Variants in VAV3 observed in about 807,000 individuals in gnomAD.
VAV3 encodes guanine nucleotide exchange factor VAV3.
In VAV3, 94 loss-of-function variants were observed where a neutral mutation model predicts 131.2. The ratio of observed to expected loss-of-function variants is 0.72; its 90% CI spans 0.61 to 0.85. The LOEUF (loss-of-function observed/expected upper bound fraction) is 0.85, where lower values mean the gene tolerates loss of function less well. Among genes scored for constraint, VAV3 ranks in the 40% least tolerant of loss-of-function variants. VAV3 has a pLI of 0.00. For synonymous variants in VAV3, 349 were observed against 342.0 expected (o/e 1.02, Z -0.22); for missense variants, 939 against 1,002.7 (o/e 0.94, Z 0.86).
At chr1:107,892,057 ATTAC>A (rs956164492) in intron 1 of VAV3, among the ~76,000 whole-genome samples, 8 of 152,144 alleles carry the variant, frequency 5.3e-5, no homozygotes, top group Non-Finnish European at 1.2e-4. Context: ...TTCACTAAAT[ATTAC>A]TTACTGCTAA....
intron 2 of VAV3, among the ~76,000 whole-genome samples, chr1:107,836,090 C>G (rs558370190): frequency 6.6e-6 from 1 of 152,250 alleles, no homozygotes; most frequent in Admixed American, 6.5e-5. Flanking sequence ...TGAAAGATGT[C>G]AACACTCCAC....
chr1:107,589,673 T>C (rs1267408373), intron 25 of VAV3, among the ~76,000 whole-genome samples: 1 of 152,098 alleles, frequency 6.6e-6, no homozygotes, highest in Non-Finnish European at 1.5e-5. Flanking sequence ...AATTAGATCA[T>C]ATCAAACCCA....
chr1:107,964,079 G>A (rs917603934), intron 1 of VAV3, among the ~76,000 whole-genome samples: 1 of 152,186 alleles, frequency 6.6e-6, no homozygotes, highest in East Asian at 1.9e-4. Context: ...AGCTGTAAAC[G>A]GGAGCTTGCC....
Position 107,573,283 on chromosome 1 carries a change from A to G in VAV3, c.*48T>C, listed in dbSNP as rs780763388. On this transcript the variant is annotated 3_prime_UTR_variant, in exon 27 of 27. Transcript: ENST00000370056. The stretch of plus-strand genomic sequence containing the variant: ...CACGATGCTGTGCAGGCTTCTATTT[A>G]TCCCTTCTCTGAAATTTTTGGTGCA... The G allele has an allele frequency of 2.5e-6, 4 of 1,605,212 alleles. No homozygotes were observed. Among genetic ancestry groups the G allele is most frequent in the Non-Finnish European group, 3.4e-6 (4 of 1,175,108 alleles).
intron 4 of VAV3, among the ~76,000 whole-genome samples, chr1:107,776,264 GA>G (rs1665351052): frequency 6.6e-6 from 1 of 152,168 alleles, no homozygotes; most frequent in Non-Finnish European, 1.5e-5. Context: ...CAGACACTGT[GA>G]AGTTCTAGGA....
chr1:107,652,156 T>C (rs952833749), intron 19 of VAV3, among the ~76,000 whole-genome samples: 2 of 152,118 alleles, frequency 1.3e-5, no homozygotes, highest in African/African-American at 4.8e-5. Flanking sequence ...ATAAAACAGA[T>C]TGCAGTAAAG....
intron 20 of VAV3, among the ~76,000 whole-genome samples, chr1:107,637,387 C>G (rs1375785055): frequency 2.0e-5 from 3 of 152,074 alleles, no homozygotes; most frequent in African/African-American, 7.2e-5. Flanking sequence ...CTTTGGGAGG[C>G]TGAGGAGGGC....
chr1:107,617,774 T>C, intron 20 of VAV3, 142 bp from the exon 21 acceptor site: 1 of 602,346 alleles, frequency 1.7e-6, no homozygotes, highest in Non-Finnish European at 2.7e-6. Flanking sequence ...TAACTTACTG[T>C]GGATCAGAAA....
intron 1 of VAV3, among the ~76,000 whole-genome samples, chr1:107,930,189 T>G (rs770085643): frequency 7.2e-5 from 11 of 152,166 alleles, no homozygotes; most frequent in Non-Finnish European, 5.9e-5. Flanking sequence ...AACTGGATTG[T>G]TTGTAACACA....
intron 1 of VAV3, among the ~76,000 whole-genome samples, chr1:107,915,397 G>A (rs1263165597): frequency 6.6e-6 from 1 of 152,146 alleles, no homozygotes. Flanking sequence ...TAAACCAGGT[G>A]CAAGTTATGA....
At chr1:107,589,875 A>G (rs1010029499) in intron 25 of VAV3, among the ~76,000 whole-genome samples, 1 of 152,250 alleles carries the variant, frequency 6.6e-6, no homozygotes, top group African/African-American at 2.4e-5. Context: ...ACTAATAAAT[A>G]GTAGTTAAGG....
chr1:107,716,375 C>G (rs1381681867), intron 15 of VAV3, among the ~76,000 whole-genome samples: 8 of 152,174 alleles, frequency 5.3e-5, no homozygotes, highest in Non-Finnish European at 1.2e-4. Flanking sequence ...CGCCTGTAAT[C>G]CCAGCACTTT....
chr1:107,754,970 T>C (rs1404806552), intron 12 of VAV3, among the ~76,000 whole-genome samples: 6 of 152,134 alleles, frequency 3.9e-5, no homozygotes, highest in Admixed American at 3.9e-4. Flanking sequence ...AATCTCAATA[T>C]GGCATTTTTA....
chr1:107,754,098 C>T (rs1014745193), intron 12 of VAV3, among the ~76,000 whole-genome samples: 4 of 152,034 alleles, frequency 2.6e-5, no homozygotes, highest in African/African-American at 9.7e-5. Context: ...AGCAAAATAT[C>T]CACAATGTAA....
intron 12 of VAV3, among the ~76,000 whole-genome samples, chr1:107,753,549 T>TATATATATATATATATATACACACAC (rs771773884): frequency 3.2e-4 from 26 of 81,900 alleles, no homozygotes; most frequent in East Asian, 1.5e-3. Flanking sequence ...TATATATATA[T>TATATATATATATATATATACACACAC]ACACACACAC....
At chr1:107,726,584 C>G (rs1661856520) in intron 15 of VAV3, among the ~76,000 whole-genome samples, 1 of 152,186 alleles carries the variant, frequency 6.6e-6, no homozygotes, top group African/African-American at 2.4e-5. Flanking sequence ...TTATCAAGCT[C>G]TCTGGATCAC....
chr1:107,748,473 T>C (rs1319010314), intron 15 of VAV3, among the ~76,000 whole-genome samples: 1 of 152,112 alleles, frequency 6.6e-6, no homozygotes, highest in Admixed American at 6.6e-5. Flanking sequence ...CTTAAAGCAT[T>C]CCTTAAATAC....
Position 107,704,990 on chromosome 1 carries a change from G to A in VAV3, c.1574C>T (p.Thr525Ile), listed in dbSNP as rs748889679. The A allele has an allele frequency of 7.4e-6, 12 of 1,613,964 alleles. No homozygotes were observed. The highest frequency in any genetic ancestry group is 6.7e-5 in the Admixed American group (4 of 60,000). ...DFKMHTFTRV[T>I]SCKVCQMLLR... is the part of the protein sequence containing the mutation. ...GAGCATCTGGCAGACTTTGCAGGATGTGACTCGAGTGAAGGTATGCATCTT... is the reference window on the plus strand; with the variant it reads ...GAGCATCTGGCAGACTTTGCAGGATATGACTCGAGTGAAGGTATGCATCTT... The change falls in exon 16 of 27, where the codon ACA becomes ATA. Residue 525 changes from threonine to isoleucine, a missense_variant. By Grantham distance (89) the Thr-to-Ile change is moderately conservative. Coordinates refer to ENST00000370056, the MANE Select transcript of VAV3 (RefSeq NM_006113.5).
chr1:107,944,288 CT>C (rs1230539662), intron 1 of VAV3, among the ~76,000 whole-genome samples: 1 of 152,210 alleles, frequency 6.6e-6, no homozygotes, highest in Non-Finnish European at 1.5e-5. Flanking sequence ...CTCTGCTTAG[CT>C]TGTCATAAAA....
Sources: gnomAD v4.1 joint callset for allele counts (sites outside exome capture counted in the v4.1 genomes callset) on GRCh38, gnomAD v4.1.1 for gene constraint, MANE v1.5 for transcripts, NCBI Gene and HGNC (gene_info 2026-07-23, HGNC 2026-07-21) for gene names.